The following BTD variants were observed in gnomAD, a reference collection of about 807,000 sequenced individuals.
BTD encodes biocytinase.
BTD carries 13 observed loss-of-function variants against 17.7 expected under a neutral mutation model. That is an observed-to-expected ratio of 0.74 (90% confidence interval 0.48 to 1.17). The LOEUF is 1.17. Among genes scored for constraint, BTD ranks in the 50% most tolerant of loss-of-function variants. The pLI is 0.00. For missense variants in BTD, 674 were observed against 650.4 expected (o/e 1.04, Z -0.39); for synonymous variants, 240 against 245.2 (o/e 0.98, Z 0.20).
At chr3:15,721,256 G>A (rs1226882484) in intron 4 of BTD, 3 of 751,400 alleles carry the variant, frequency 4.0e-6, no homozygotes, top group Admixed American at 5.1e-5. Context: ...TAAGTACAGA[G>A]ATAAGGCTTA....
chr3:15,705,500 T>G (rs984090824), intron 3 of BTD, among the ~76,000 whole-genome samples: 3 of 152,160 alleles, frequency 2.0e-5, no homozygotes, highest in African/African-American at 7.2e-5. Context: ...CTACAGATGG[T>G]GATAAAAGGT....
chr3:15,694,551 AAAC>A (rs2069262472), intron 3 of BTD, among the ~76,000 whole-genome samples: 1 of 152,048 alleles, frequency 6.6e-6, no homozygotes, highest in South Asian at 2.1e-4. Flanking sequence ...GAAACAGAAA[AAAC>A]AAAAACAAAA....
At chr3:15,627,373 C>G (rs1245240639) in intron 1 of BTD, among the ~76,000 whole-genome samples, 1 of 152,188 alleles carries the variant, frequency 6.6e-6, no homozygotes, top group Non-Finnish European at 1.5e-5. Context: ...CAAGTGCATG[C>G]CACCATGCCC....
chr3:15,672,820 G>A (rs1279063989), intron 3 of BTD, among the ~76,000 whole-genome samples: 1 of 152,210 alleles, frequency 6.6e-6, no homozygotes, highest in African/African-American at 2.4e-5. Flanking sequence ...CTGTCACCCA[G>A]GCTAGAGTGC....
intron 3 of BTD, chr3:15,642,358 C>T (rs1312417831): frequency 1.0e-6 from 1 of 957,282 alleles, no homozygotes; most frequent in Non-Finnish European, 1.5e-6. Flanking sequence ...CAGCCTGCAC[C>T]TCATCCCATG....
intron 1 of BTD, among the ~76,000 whole-genome samples, chr3:15,615,975 G>A (rs933047730): frequency 1.3e-5 from 2 of 152,112 alleles, no homozygotes; most frequent in African/African-American, 4.8e-5. Context: ...TTCATGGCTT[G>A]ATAGCTCATT....
intron 3 of BTD, among the ~76,000 whole-genome samples, chr3:15,658,872 CAG>C (rs1180492575): frequency 6.6e-6 from 1 of 152,182 alleles, no homozygotes; most frequent in Non-Finnish European, 1.5e-5. Flanking sequence ...TCACATTTGA[CAG>C]AGTCGATGAA....
intron 1 of BTD, among the ~76,000 whole-genome samples, chr3:15,632,227 A>T (rs2065231183): frequency 6.6e-6 from 1 of 152,016 alleles, no homozygotes; most frequent in Admixed American, 6.5e-5. Context: ...TCACTGCCTC[A>T]TTTCTCCTTT....
chr3:15,661,683 G>T (rs1361124828), intron 3 of BTD, among the ~76,000 whole-genome samples: 1 of 152,120 alleles, frequency 6.6e-6, no homozygotes, highest in Non-Finnish European at 1.5e-5. Context: ...CATGGGTGGT[G>T]CCTTTGGTGT....
chr3:15,613,573 C>G (rs941787767), intron 1 of BTD, among the ~76,000 whole-genome samples: 1 of 151,922 alleles, frequency 6.6e-6, no homozygotes, highest in African/African-American at 2.4e-5. Flanking sequence ...TCCCCTTTTT[C>G]CCTTTCATCT....
chr3:15,603,039 T>A (rs1231780747), intron 1 of BTD, among the ~76,000 whole-genome samples: 2 of 152,016 alleles, frequency 1.3e-5, no homozygotes, highest in African/African-American at 4.8e-5. Context: ...TATAAAACCA[T>A]CAGATCTCAT....
chr3:15,721,131 T>A (rs1197882216), intron 4 of BTD: 1 of 1,600,302 alleles, frequency 6.2e-7, no homozygotes, highest in South Asian at 1.1e-5. Context: ...CATTCATCTA[T>A]TAGAAGGGAA....
chr3:15,695,498 A>G (rs747121016), intron 3 of BTD, among the ~76,000 whole-genome samples: 4 of 152,102 alleles, frequency 2.6e-5, no homozygotes, highest in Non-Finnish European at 5.9e-5. Flanking sequence ...TTCTTGTTTT[A>G]TATCTACGCT....
chr3:15,683,056 T>C (rs920716505), intron 3 of BTD, among the ~76,000 whole-genome samples: 6 of 152,190 alleles, frequency 3.9e-5, no homozygotes, highest in East Asian at 3.8e-4. Flanking sequence ...GTTCTACATA[T>C]AGATCTGATA....
chr3:15,630,328 T>C (rs994065429), intron 1 of BTD, among the ~76,000 whole-genome samples: 2 of 152,220 alleles, frequency 1.3e-5, no homozygotes, highest in African/African-American at 4.8e-5. Context: ...ACTCAGTTTG[T>C]CCACGGAGTG....
chr3:15,677,098 TAAAG>T (rs1211060204), intron 3 of BTD: 1 of 1,498,866 alleles, frequency 6.7e-7, no homozygotes, highest in Non-Finnish European at 9.3e-7. Context: ...TGAGCACCAT[TAAAG>T]ATACATTTAT....
intron 3 of BTD, chr3:15,696,285 C>A: frequency 7.8e-7 from 1 of 1,288,644 alleles, no homozygotes; most frequent in East Asian, 2.5e-5. Flanking sequence ...ATCCTAAATC[C>A]TGCATATTAA....
chr3:15,609,728 G>A (rs2125347894), intron 1 of BTD, among the ~76,000 whole-genome samples: 1 of 152,160 alleles, frequency 6.6e-6, no homozygotes, highest in African/African-American at 2.4e-5. Flanking sequence ...TACATCTGTT[G>A]CACATTTCCT....
At chr3:15,655,742 T>C (rs1269610240), downstream of BTD, among the ~76,000 whole-genome samples, 1 of 152,234 alleles carries the variant, frequency 6.6e-6, no homozygotes, top group Middle Eastern at 3.2e-3. Context: ...ATTATGCTTT[T>C]TCTAATAGTA....
Sources: allele counts gnomAD v4.1 joint callset (sites outside exome capture counted in the v4.1 genomes callset), GRCh38; gene constraint gnomAD v4.1.1; transcripts MANE v1.5; gene names NCBI Gene and HGNC (gene_info 2026-07-23, HGNC 2026-07-21).